Variants in MCEE observed in about 807,000 individuals in gnomAD.
The protein encoded by MCEE is methylmalonyl-CoA epimerase.
A neutral mutation model predicts 12.9 loss-of-function variants in MCEE; 6 were observed. The observed-to-expected ratio is 0.47, with a 90% CI of 0.26 to 0.92. The LOEUF (loss-of-function observed/expected upper bound fraction) is 0.92, where lower values mean the gene tolerates loss of function less well. Ranked by LOEUF, MCEE falls within the 40% of genes least tolerant of loss-of-function variation. The pLI is 0.16. For missense variants in MCEE, 214 were observed against 212.1 expected (o/e 1.01, Z -0.05); for synonymous variants, 78 against 77.9 (o/e 1.00, Z -0.01).
At chr2:71,124,107 A>G (rs1002602652) in intron 2 of MCEE, 99 bp downstream of exon 2, 2 of 884,416 alleles carry the variant, frequency 2.3e-6, no homozygotes, top group South Asian at 3.1e-5. Flanking sequence ...GAACTTTACA[A>G]AAGTTTCTAA....
Position 71,110,050 on chromosome 2 carries a change from T to A in MCEE, c.451A>T (p.Ile151Leu). The change falls in exon 3 of 3, where the codon ATA (isoleucine) becomes TTA (leucine). Residue 151 changes from isoleucine to leucine, a missense_variant. Transcript: ENST00000244217. ...KIRSLSEEVK[I>L]GAHGKPVIFL... is the part of the protein sequence containing the mutation. ...ATCACTGGTTTTCCATGTGCTCCTATTTTGACCTCTTCACTTAGACTGCGG... is the reference window on the plus strand; with the variant it reads ...ATCACTGGTTTTCCATGTGCTCCTAATTTGACCTCTTCACTTAGACTGCGG... The A allele has an allele frequency of 6.2e-7, 1 of 1,613,688 alleles. No individual in the cohort carries two copies.
chr2:71,126,986 G>A (rs966208495), intron 1 of MCEE, among the ~76,000 whole-genome samples: 2 of 152,168 alleles, frequency 1.3e-5, no homozygotes, highest in Admixed American at 6.5e-5. Context: ...TAGTGCAGCA[G>A]AATTGCATTA....
intron 2 of MCEE, among the ~76,000 whole-genome samples, chr2:71,112,520 CT>C (rs1235532727): frequency 6.8e-6 from 1 of 148,102 alleles, no homozygotes; most frequent in South Asian, 2.1e-4. Context: ...ACTGCAGCCT[CT>C]GCCTCCTGGG....
Position 71,109,864 on chromosome 2 carries a change from A to G in MCEE, c.*106T>C. The G allele has an allele frequency of 9.6e-7, 1 of 1,044,108 alleles. No individual in the cohort carries two copies. Among genetic ancestry groups the G allele is most frequent in the Non-Finnish European group, 1.5e-6 (1 of 688,918 alleles). 64.7% of individuals were successfully genotyped at this position (1,044,108 alleles called of 1,614,324 possible). Reference sequence around the variant, plus strand: ...TTCTGTAATTCAGTCTTTAACTGTGAACTTTTACATGATGGAAGCAGTGAA... The same window carrying G: ...TTCTGTAATTCAGTCTTTAACTGTGGACTTTTACATGATGGAAGCAGTGAA... On this transcript the variant is annotated 3_prime_UTR_variant, in exon 3 of 3. Coordinates refer to ENST00000244217, the MANE Select transcript of MCEE (RefSeq NM_032601.4).
intron 2 of MCEE, among the ~76,000 whole-genome samples, chr2:71,119,023 G>C (rs1213314575): frequency 6.7e-6 from 1 of 150,064 alleles, no homozygotes; most frequent in South Asian, 2.1e-4. Flanking sequence ...GGCCAGTCTG[G>C]TTCTCCCCAT....
Position 71,130,175 on chromosome 2 carries a change from T to C in MCEE, c.40+5A>G, listed in dbSNP as rs755058113. ...TGGCGAAGGTCGCCGGTGCCCGGTA[T>C]TCACCTACGGCATTCGCGGCTGCAG... is the stretch of plus-strand genomic sequence containing the variant. On this transcript the variant is annotated splice_donor_5th_base_variant and intron_variant, in intron 1 of 2. Transcript: ENST00000244217. The C allele has an allele frequency of 6.2e-7, 1 of 1,609,032 alleles. No individual in the cohort carries two copies. Among genetic ancestry groups the C allele is most frequent in the Non-Finnish European group, 8.5e-7 (1 of 1,178,490 alleles).
intron 2 of MCEE, among the ~76,000 whole-genome samples, chr2:71,122,117 A>C (rs1349019007): frequency 1.6e-4 from 24 of 152,126 alleles, no homozygotes; most frequent in Admixed American, 1.5e-3. Flanking sequence ...CTACTAGAGG[A>C]CTCACTAAAT....
At chr2:71,124,572 T>C in intron 1 of MCEE, 29 bp from the exon 2 acceptor site, 17 of 1,552,742 alleles carry the variant, frequency 1.1e-5, no homozygotes, top group Non-Finnish European at 1.5e-5. Context: ...ATTGATATCC[T>C]TCTTTTGAGA....
intron 1 of MCEE, among the ~76,000 whole-genome samples, chr2:71,125,211 A>ATATATTTTATT: frequency 2.1e-5 from 1 of 48,590 alleles, no homozygotes; most frequent in African/African-American, 6.0e-5. Flanking sequence ...ATATATATAT[A>ATATATTTTATT]TTTTTTTTTT....
chr2:71,125,209 ATAT>A (rs1246842084), intron 1 of MCEE, among the ~76,000 whole-genome samples: 7 of 48,166 alleles, frequency 1.5e-4, no homozygotes, highest in African/African-American at 4.0e-4. Flanking sequence ...ATATATATAT[ATAT>A]TTTTTTTTTT....
In MCEE at chr2:71,124,840, T is replaced by C. The variant is rs989535755; in HGVS notation, c.41-297A>G. ...ATATTTACTGGTAACACTTAAATAGTGGCATATTAAGCATTACTTGCTATT... is the reference window on the plus strand; with the variant it reads ...ATATTTACTGGTAACACTTAAATAGCGGCATATTAAGCATTACTTGCTATT... On this transcript the variant is annotated intron_variant, in intron 1 of 2. Coordinates refer to ENST00000244217, the MANE Select transcript of MCEE (RefSeq NM_032601.4). 2.6e-5 allele frequency among the ~76,000 whole-genome samples: 4 copies of C among 152,192 alleles called. No homozygotes were observed. In the South Asian group the frequency reaches 8.3e-4, roughly 31 times the overall value.
intron 2 of MCEE, among the ~76,000 whole-genome samples, chr2:71,120,774 G>A (rs752320582): frequency 5.7e-4 from 86 of 150,060 alleles, no homozygotes; most frequent in Admixed American, 1.7e-3. Flanking sequence ...GTCTTGCTCT[G>A]TTGCCCAGGC....
chr2:71,114,163 G>A (rs1335880547), intron 2 of MCEE, among the ~76,000 whole-genome samples: 2 of 152,150 alleles, frequency 1.3e-5, no homozygotes, highest in African/African-American at 4.8e-5. Context: ...CAGATACGAT[G>A]ACTAAATGTG....
intron 2 of MCEE, 79 bp downstream of exon 2, chr2:71,124,127 C>T: frequency 9.4e-7 from 1 of 1,066,708 alleles, no homozygotes; most frequent in East Asian, 2.5e-5. Flanking sequence ...ATGACAGTGA[C>T]CATAAATAGA....
intron 1 of MCEE, among the ~76,000 whole-genome samples, chr2:71,126,279 G>A (rs1673230263): frequency 2.0e-5 from 3 of 152,282 alleles, no homozygotes; most frequent in South Asian, 2.1e-4. Context: ...CCAGGCTGGA[G>A]TGCAATAGTG....
intron 2 of MCEE, among the ~76,000 whole-genome samples, chr2:71,122,898 T>C (rs1385944986): frequency 6.6e-6 from 1 of 152,252 alleles, no homozygotes; most frequent in Non-Finnish European, 1.5e-5. Flanking sequence ...TTCACATTCA[T>C]TGTAACTTAT....
At chr2:71,114,480 TA>T (rs1672952618) in intron 2 of MCEE, among the ~76,000 whole-genome samples, 1 of 152,272 alleles carries the variant, frequency 6.6e-6, no homozygotes, top group Non-Finnish European at 1.5e-5. Flanking sequence ...ATTGGTTCAC[TA>T]ATTGTGATAA....
intron 2 of MCEE, among the ~76,000 whole-genome samples, chr2:71,122,175 G>A (rs903021468): frequency 2.6e-5 from 4 of 152,160 alleles, no homozygotes; most frequent in Non-Finnish European, 1.5e-5. Context: ...ATTCAGGCTA[G>A]AGTGCAGTGG....
At chr2:71,120,683 A>G (rs1218316991) in intron 2 of MCEE, among the ~76,000 whole-genome samples, 3 of 150,068 alleles carry the variant, frequency 2.0e-5, no homozygotes, top group Non-Finnish European at 4.4e-5. Context: ...AAAAGGACAG[A>G]AAGTAGCCCT....
Sources: allele counts gnomAD v4.1 joint callset (sites outside exome capture counted in the v4.1 genomes callset), GRCh38; gene constraint gnomAD v4.1.1; transcripts MANE v1.5; gene names NCBI Gene and HGNC (gene_info 2026-07-23, HGNC 2026-07-21).